SORCS3: variants seen among roughly 807,000 people sequenced by gnomAD.
SORCS3 encodes the protein sortilin related VPS10 domain containing receptor 3.
In SORCS3, 57 loss-of-function variants were observed where a neutral mutation model predicts 146.3. That is an observed-to-expected ratio of 0.39 (90% confidence interval 0.31 to 0.49). The LOEUF (loss-of-function observed/expected upper bound fraction) is 0.49. Ranked by LOEUF, SORCS3 falls within the 20% of genes least tolerant of loss-of-function variation. SORCS3 has a pLI of 0.92. For missense variants in SORCS3, 1,341 were observed against 1,575.5 expected (o/e 0.85, Z 2.52); for synonymous variants, 653 against 618.5 (o/e 1.06, Z -0.83).
At chr10:104,995,935 G>C (rs1293278792) in intron 4 of SORCS3, among the ~76,000 whole-genome samples, 4 of 152,118 alleles carry the variant, frequency 2.6e-5, no homozygotes, top group Non-Finnish European at 5.9e-5. Context: ...TTTTTATATA[G>C]TGCAAGATAT....
intron 1 of SORCS3, among the ~76,000 whole-genome samples, chr10:104,814,811 C>A (rs573628364): frequency 8.9e-4 from 136 of 152,270 alleles, no homozygotes; most frequent in Non-Finnish European, 1.5e-3. Context: ...AAGACCTATG[C>A]CAAAATAAAA....
chr10:105,092,648 A>G (rs923717769), intron 6 of SORCS3, among the ~76,000 whole-genome samples: 4 of 133,414 alleles, frequency 3.0e-5, no homozygotes, highest in Non-Finnish European at 6.9e-5. Flanking sequence ...CATCTCTACC[A>G]TCATTTGAGC....
At chr10:104,779,834 C>G (rs2017352701) in intron 1 of SORCS3, among the ~76,000 whole-genome samples, 1 of 152,190 alleles carries the variant, frequency 6.6e-6, no homozygotes, top group African/African-American at 2.4e-5. Flanking sequence ...AGTCTCTACT[C>G]TGCCCTGCCT....
At chr10:105,229,217 T>G (rs1463276408) in intron 20 of SORCS3, among the ~76,000 whole-genome samples, 2 of 152,102 alleles carry the variant, frequency 1.3e-5, no homozygotes, top group Admixed American at 6.6e-5. Flanking sequence ...TAATAGTGTC[T>G]CTTTGGTAAA....
At chr10:105,260,510 C>G (rs1313940499) in intron 25 of SORCS3, among the ~76,000 whole-genome samples, 3 of 152,138 alleles carry the variant, frequency 2.0e-5, no homozygotes, top group African/African-American at 7.2e-5. Context: ...ATTAAACTGG[C>G]TTAGACCAGT....
intron 4 of SORCS3, among the ~76,000 whole-genome samples, chr10:105,040,826 T>G (rs972651853): frequency 6.6e-6 from 1 of 151,928 alleles, no homozygotes; most frequent in Admixed American, 6.6e-5. Context: ...AGATAAATAC[T>G]GTGAGAGTTA....
At chr10:104,932,773 G>T (rs1325082750) in intron 3 of SORCS3, among the ~76,000 whole-genome samples, 1 of 152,176 alleles carries the variant, frequency 6.6e-6, no homozygotes, top group Non-Finnish European at 1.5e-5. Context: ...GCTCACTGCA[G>T]CCTTGAATTC....
intron 1 of SORCS3, among the ~76,000 whole-genome samples, chr10:104,819,923 C>A (rs369735317): frequency 2.0e-4 from 30 of 152,288 alleles, no homozygotes; most frequent in African/African-American, 6.7e-4. Flanking sequence ...GCTATGAAAT[C>A]AAACCTGCCG....
chr10:105,106,262 C>T (rs2055820994), intron 7 of SORCS3, among the ~76,000 whole-genome samples: 1 of 152,182 alleles, frequency 6.6e-6, no homozygotes, highest in Non-Finnish European at 1.5e-5. Context: ...GCAAACTATT[C>T]CCACAGGAAA....
chr10:105,152,402 G>A (rs1589657577), intron 9 of SORCS3, among the ~76,000 whole-genome samples: 1 of 151,996 alleles, frequency 6.6e-6, no homozygotes, highest in East Asian at 1.9e-4. Flanking sequence ...TACGTTCAAT[G>A]TAAACAATTA....
rs1275931813 is a variant in SORCS3, at chr10:104,641,319, C to T, written c.-9C>T. 2.3e-6 allele frequency: 3 copies of T among 1,297,084 alleles called. No homozygotes were observed. In the African/African-American group the frequency reaches 4.7e-5, roughly 20 times the overall value. The allele number at this position is 1,297,084 out of a possible 1,614,324, so 80.3% of individuals were successfully genotyped here. The stretch of plus-strand genomic sequence containing the variant: ...ACTCGGCAGCCCGAGCCGCGGTAGC[C>T]GCAGCGGGATGGAGGCGGCGCGCAC... On this transcript the variant is annotated 5_prime_UTR_variant, in exon 1 of 27. Coordinates refer to ENST00000369701, the MANE Select transcript of SORCS3 (RefSeq NM_014978.3). This position sits in a 1 kb window ranked among gnomAD's most constrained non-coding sequence, Gnocchi z 6.4.
intron 7 of SORCS3, among the ~76,000 whole-genome samples, chr10:105,123,320 A>G (rs2055948637): frequency 6.6e-6 from 1 of 152,188 alleles, no homozygotes; most frequent in African/African-American, 2.4e-5. Flanking sequence ...GTCTTGCTCT[A>G]CAGATCGCTC....
At chr10:105,169,817 C>A (rs2119535108) in intron 13 of SORCS3, among the ~76,000 whole-genome samples, 1 of 152,170 alleles carries the variant, frequency 6.6e-6, no homozygotes, top group South Asian at 2.1e-4. Flanking sequence ...TTAAACCAAG[C>A]AAGGCAATGT....
chr10:104,915,175 C>T (rs571178116), intron 2 of SORCS3, among the ~76,000 whole-genome samples: 1 of 152,206 alleles, frequency 6.6e-6, no homozygotes, highest in Non-Finnish European at 1.5e-5. Flanking sequence ...AGCAGGTAGC[C>T]AGCAGGATCA....
At chr10:104,811,995 A>C (rs1207753292) in intron 1 of SORCS3, among the ~76,000 whole-genome samples, 1 of 152,220 alleles carries the variant, frequency 6.6e-6, no homozygotes, top group East Asian at 1.9e-4. Context: ...TTATATAAAC[A>C]AAAATAAAAG....
chr10:104,818,542 G>A (rs2017834361), intron 1 of SORCS3, among the ~76,000 whole-genome samples: 1 of 151,912 alleles, frequency 6.6e-6, no homozygotes, highest in Non-Finnish European at 1.5e-5. Context: ...AGAGGGTCCC[G>A]TAGGCTCCCA....
chr10:105,208,986 TTC>T (rs1268631023), intron 16 of SORCS3, among the ~76,000 whole-genome samples: 2 of 152,136 alleles, frequency 1.3e-5, no homozygotes, highest in African/African-American at 4.8e-5. Flanking sequence ...AGTTCCACCT[TTC>T]TATGTAGAAA....
At position 105,200,107 on chromosome 10, in the gene SORCS3, G is replaced by A. The variant is rs771929504; in HGVS notation, c.2118G>A (p.Leu706=). 3 of 1,612,402 alleles carry A rather than the reference G, an allele frequency of 1.9e-6. No individual in the cohort carries two copies. Among genetic ancestry groups the A allele is most frequent in the Admixed American group, 1.7e-5 (1 of 59,962 alleles). The change falls in exon 15 of 27, where the codon CTG becomes CTA. Residue 706 remains leucine, a synonymous_variant. Coordinates refer to ENST00000369701, the MANE Select transcript of SORCS3 (RefSeq NM_014978.3). ...CTKEDYQTWH[L]LNQGEPCVMG... is the part of the protein sequence containing the mutation. ...AGGAGGACTATCAGACCTGGCACCT[G>A]CTCAATCAGGTACACACCCCAGGGA...
intron 1 of SORCS3, among the ~76,000 whole-genome samples, chr10:104,696,390 A>AATATACAATATACAAT (rs1227523002): frequency 0.012 from 150 of 12,830 alleles, 47 homozygotes; most frequent in Middle Eastern, 0.2. Context: ...TATATTATAT[A>AATATACAATATACAAT]ATATATAATA....
Sources: allele counts gnomAD v4.1 joint callset (sites outside exome capture counted in the v4.1 genomes callset), GRCh38; gene constraint gnomAD v4.1.1; non-coding constraint Gnocchi (gnomAD v3.1); transcripts MANE v1.5; gene names NCBI Gene and HGNC (gene_info 2026-07-23, HGNC 2026-07-21).